Variants in MAP3K21 observed in about 807,000 individuals in gnomAD.
MAP3K21 encodes mitogen-activated protein kinase kinase kinase MLK4.
MAP3K21 carries 63 observed loss-of-function variants against 86.1 expected under a neutral mutation model. The ratio of observed to expected loss-of-function variants is 0.73; its 90% CI spans 0.60 to 0.90. The LOEUF is 0.90. Among genes scored for constraint, MAP3K21 ranks in the 40% least tolerant of loss-of-function variants. MAP3K21 has a pLI of 0.00. For synonymous variants in MAP3K21, 558 were observed against 564.8 expected (o/e 0.99, Z 0.17); for missense variants, 1,220 against 1,367.7 (o/e 0.89, Z 1.70).
intron 5 of MAP3K21, among the ~76,000 whole-genome samples, chr1:233,363,457 G>A (rs938947236): frequency 7.2e-5 from 11 of 152,124 alleles, no homozygotes; most frequent in African/African-American, 2.2e-4. Context: ...CGGCACTTTG[G>A]TTAGCTGAGG....
Position 233,382,788 on chromosome 1 carries a change from T to A in MAP3K21, c.*77T>A. 1 of 1,294,454 alleles carries A rather than the reference T, an allele frequency of 7.7e-7. No homozygotes were observed. The highest frequency in any genetic ancestry group is 1.1e-6 in the Non-Finnish European group (1 of 929,332). The allele number at this position is 1,294,454 out of a possible 1,614,324, so 80.2% of individuals were successfully genotyped here. On this transcript the variant is annotated 3_prime_UTR_variant, in exon 10 of 10. Transcript: ENST00000366624. Reference sequence around the variant, plus strand: ...ACAATGTATCTACCTTTGAACTGTTTCATGCTGCTGTGTTTTCAAAAGCTG... The same window carrying A: ...ACAATGTATCTACCTTTGAACTGTTACATGCTGCTGTGTTTTCAAAAGCTG...
At chr1:233,359,402 A>G (rs565805083) in intron 4 of MAP3K21, among the ~76,000 whole-genome samples, 11 of 152,330 alleles carry the variant, frequency 7.2e-5, no homozygotes, top group African/African-American at 2.6e-4. Context: ...AAGAATATAT[A>G]ATGCTTTTTT....
At chr1:233,366,717 C>A (rs1272589998) in intron 5 of MAP3K21, among the ~76,000 whole-genome samples, 8 of 152,180 alleles carry the variant, frequency 5.3e-5, no homozygotes, top group South Asian at 2.1e-4. Context: ...GCAGATCTTT[C>A]AAAAACTTGG....
rs1662734197 is a variant in MAP3K21 at position 233,328,281 on chromosome 1, G to A, written c.253G>A (p.Val85Met). Residue 85 changes from valine to methionine, a missense_variant, in exon 1 of 10, where the codon GTG becomes ATG. Val to Met is a conservative substitution (Grantham distance 21, BLOSUM62 1). Around this residue, in one of 5 missense-constraint regions of MAP3K21, gnomAD observed 369 missense variants for 385.3 expected, o/e 0.96. Transcript: ENST00000366624. This position sits in a 1 kb window ranked among gnomAD's most constrained non-coding sequence, Gnocchi z 8.7. ...CGACGAGGGCTGGTGGGCAGGCCAGGTGCAGCGGCGCCTCGGCATCTTCCC... is the reference window on the plus strand; with the variant it reads ...CGACGAGGGCTGGTGGGCAGGCCAGATGCAGCGGCGCCTCGGCATCTTCCC... ...SGDEGWWAGQVQRRLGIFPAN... is the reference protein window; with the variant it reads ...SGDEGWWAGQMQRRLGIFPAN... The A allele has an allele frequency of 3.4e-6, 5 of 1,489,278 alleles. No individual in the cohort carries two copies. The Admixed American group carries it at 1.1e-4, about 33-fold the overall frequency. The allele number at this position is 1,489,278 out of a possible 1,614,324, so 92.3% of individuals were successfully genotyped here. A position where few individuals can be genotyped will look rare whatever the true frequency, so the allele number is the denominator to read the frequency against.
chr1:233,357,012 T>C (rs903246972), intron 4 of MAP3K21, among the ~76,000 whole-genome samples: 3 of 152,242 alleles, frequency 2.0e-5, no homozygotes, highest in African/African-American at 7.2e-5. Flanking sequence ...GGCTCACGCC[T>C]GTAATCCCAG....
chr1:233,348,858 G>C (rs1431171928), intron 2 of MAP3K21, among the ~76,000 whole-genome samples: 2 of 152,088 alleles, frequency 1.3e-5, no homozygotes, highest in African/African-American at 4.8e-5. Context: ...AGGTCTGCCT[G>C]GCTCTCAGAT....
Position 233,383,298 on chromosome 1 carries a change from T to C in MAP3K21, c.*587T>C, listed in dbSNP as rs1156336899. On this transcript the variant is annotated 3_prime_UTR_variant, in exon 10 of 10. Transcript: ENST00000366624. The stretch of plus-strand genomic sequence containing the variant: ...CCTGTTTAAACTACCTAACCTTGGC[T>C]GTGGGCCGATAATGCATATGTCCAG... 6.6e-6 allele frequency: 1 copy of C among 152,654 alleles called. No homozygotes were observed. Among genetic ancestry groups the C allele is most frequent in the Non-Finnish European group, 1.5e-5 (1 of 68,182 alleles). 9.5% of individuals were successfully genotyped at this position (152,654 alleles called of 1,614,324 possible).
intron 5 of MAP3K21, among the ~76,000 whole-genome samples, chr1:233,367,214 C>T (rs1469127493): frequency 6.6e-6 from 1 of 152,210 alleles, no homozygotes; most frequent in Admixed American, 6.5e-5. Context: ...ATCTACCTCA[C>T]AGGTATGCGA....
At position 233,328,796 on chromosome 1, in the gene MAP3K21, C is replaced by T; in HGVS notation, c.768C>T (p.Phe256=). Residue 256 remains phenylalanine, a synonymous_variant, in exon 1 of 10, where the codon TTC becomes TTT. Transcript: ENST00000366624. The surrounding 1 kb of genome is among the most constrained non-coding windows in gnomAD (Gnocchi z 8.7). The stretch of plus-strand genomic sequence containing the variant: ...TGCTCTACCTGCATGAGGAGGCCTT[C>T]GTGCCCATCCTGCACCGGGACCTCA... ...RGMLYLHEEA[F]VPILHRDLKS... is the part of the protein sequence containing the mutation. 1 of 1,544,620 alleles carries T rather than the reference C, an allele frequency of 6.5e-7. No individual in the cohort carries two copies. The highest frequency in any genetic ancestry group is 8.7e-7 in the Non-Finnish European group (1 of 1,144,698).
In MAP3K21 at chr1:233,372,050, A is replaced by T; in HGVS notation, c.1565A>T (p.Lys522Met). 6.2e-7 allele frequency: 1 copy of T among 1,613,292 alleles called. No homozygotes were observed. Residue 522 changes from lysine to methionine, a missense_variant, in exon 6 of 10, where the codon AAG becomes ATG. By Grantham distance (95) the Lys-to-Met change is moderately conservative. Around this residue, in one of 5 missense-constraint regions of MAP3K21, gnomAD observed 632 missense variants for 691.3 expected, o/e 0.91. Transcript: ENST00000366624. Reference protein sequence around the residue: ...RISLPSDFQHKITVQASPNLD... With the variant: ...RISLPSDFQHMITVQASPNLD... ...TTGCCTCCAACAGATTTCCAGCACA[A>T]GATAACCGTGCAGGCCTCTCCCAAC...
intron 5 of MAP3K21, among the ~76,000 whole-genome samples, chr1:233,366,573 G>A (rs1050715222): frequency 4.6e-5 from 7 of 152,182 alleles, no homozygotes; most frequent in Admixed American, 6.5e-5. Flanking sequence ...ATGGAACAGC[G>A]ATGCTGTCCT....
chr1:233,361,281 A>G (rs185991442), intron 4 of MAP3K21, among the ~76,000 whole-genome samples: 1 of 152,230 alleles, frequency 6.6e-6, no homozygotes, highest in African/African-American at 2.4e-5. Flanking sequence ...AACCAAAACC[A>G]AGATGAGGTC....
At chr1:233,353,704 T>C (rs1663293247) in intron 2 of MAP3K21, 103 bp from the exon 3 acceptor site, 3 of 1,116,244 alleles carry the variant, frequency 2.7e-6, no homozygotes, top group South Asian at 2.9e-5. Context: ...TAGAGTGTCC[T>C]ATTAGGAATG....
chr1:233,364,691 C>T (rs1434001962), intron 5 of MAP3K21, among the ~76,000 whole-genome samples: 1 of 151,898 alleles, frequency 6.6e-6, no homozygotes, highest in Non-Finnish European at 1.5e-5. Flanking sequence ...TTTTTAATTC[C>T]TGTATTGTAT....
intron 9 of MAP3K21, among the ~76,000 whole-genome samples, chr1:233,381,875 CCAT>C (rs1464692640): frequency 1.3e-5 from 2 of 151,512 alleles, no homozygotes; most frequent in Middle Eastern, 3.4e-3. Flanking sequence ...ATCATGTTGA[CCAT>C]CATTTTTAAA....
Position 233,328,739 on chromosome 1 carries a change from G to C in MAP3K21, c.711G>C (p.Leu237=), listed in dbSNP as rs969057280. 4 of 1,475,858 alleles carry C rather than the reference G, an allele frequency of 2.7e-6. No individual in the cohort carries two copies. Among genetic ancestry groups the C allele is most frequent in the Non-Finnish European group, 3.6e-6 (4 of 1,108,778 alleles). 91.4% of individuals were successfully genotyped at this position (1,475,858 alleles called of 1,614,324 possible). ...RRARRIPPHV[L]VNWAVQIARG... is the part of the protein sequence containing the mutation. The stretch of plus-strand genomic sequence containing the variant: ...CGCGCCGCATCCCTCCGCACGTGCT[G>C]GTCAACTGGGCCGTGCAGATAGCGC... The change falls in exon 1 of 10, where the codon CTG becomes CTC. Residue 237 remains leucine, a synonymous_variant. Transcript: ENST00000366624. The surrounding 1 kb of genome is among the most constrained non-coding windows in gnomAD (Gnocchi z 8.7).
chr1:233,339,268 C>CTGT (rs1390932387), intron 1 of MAP3K21, among the ~76,000 whole-genome samples: 17 of 19,850 alleles, frequency 8.6e-4, no homozygotes, highest in South Asian at 4.6e-3. Flanking sequence ...CTTCTTCTTC[C>CTGT]TCTTCTTCTT....
In MAP3K21 at chr1:233,339,195, T is replaced by TTTCTTCTTCTTCTTC. The variant is rs71173272; in HGVS notation, c.806-7189_806-7175dup. On this transcript the variant is annotated intron_variant, in intron 1 of 9. Coordinates refer to ENST00000366624, the MANE Select transcript of MAP3K21 (RefSeq NM_032435.3). ...GCTACAATTATTTTTAAAACAATCA[T>TTTCTTCTTCTTCTTC]TTCTTCTTCTTCTTCTTCTTCTTCT... Among the ~76,000 whole-genome samples the TTTCTTCTTCTTCTTC allele has an allele frequency of 5.8e-4, 67 of 115,472 alleles. 3 individuals are homozygous for TTTCTTCTTCTTCTTC. The highest frequency in any genetic ancestry group is 8.6e-4 in the Non-Finnish European group (46 of 53,338). The allele number at this position is 115,472 out of a possible 152,430, so 75.8% of individuals were successfully genotyped here.
chr1:233,328,193 C>T lies in MAP3K21; in HGVS notation c.165C>T (p.Asp55=). Residue 55 remains aspartate (D), a synonymous_variant, in exon 1 of 10, where the codon GAC becomes GAT. Transcript: ENST00000366624. The surrounding 1 kb of genome is among the most constrained non-coding windows in gnomAD (Gnocchi z 8.7). ...ALYDYEARGE[D]ELSLRRGQLV... ...ATGACTACGAGGCTCGCGGCGAGGA[C>T]GAGCTGAGCCTGCGGCGCGGCCAGC... The T allele has an allele frequency of 6.7e-7, 1 of 1,482,880 alleles. No homozygotes were observed. The highest frequency in any genetic ancestry group is 8.9e-7 in the Non-Finnish European group (1 of 1,124,534). The allele number at this position is 1,482,880 out of a possible 1,614,324, so 91.9% of individuals were successfully genotyped here. A position where few individuals can be genotyped will look rare whatever the true frequency, so the allele number is the denominator to read the frequency against.
Sources: allele counts gnomAD v4.1 joint callset (sites outside exome capture counted in the v4.1 genomes callset), GRCh38; gene constraint gnomAD v4.1.1; regional missense constraint gnomAD v4.1.1; non-coding constraint Gnocchi (gnomAD v3.1); transcripts MANE v1.5; gene names NCBI Gene and HGNC (gene_info 2026-07-23, HGNC 2026-07-21).